The following ADCYAP1R1 variants were observed in gnomAD, a reference collection of about 807,000 sequenced individuals.
The protein encoded by ADCYAP1R1 is pituitary adenylate cyclase-activating polypeptide type I receptor.
Under a neutral mutation model 67.6 loss-of-function variants are expected in ADCYAP1R1, and 44 were observed. That is an observed-to-expected ratio of 0.65 (90% confidence interval 0.51 to 0.84). The LOEUF (loss-of-function observed/expected upper bound fraction) is 0.84. ADCYAP1R1 is among the 40% of genes least tolerant of loss of function. ADCYAP1R1 has a pLI of 0.00. For synonymous variants in ADCYAP1R1, 222 were observed against 219.6 expected (o/e 1.01, Z -0.10); for missense variants, 477 against 587.9 (o/e 0.81, Z 1.95).
At chr7:31,061,874 T>G (rs1307006884) in intron 1 of ADCYAP1R1, among the ~76,000 whole-genome samples, 1 of 151,906 alleles carries the variant, frequency 6.6e-6, no homozygotes, top group Non-Finnish European at 1.5e-5. Context: ...GATGCACATG[T>G]AGGATTTGCT....
intron 13 of ADCYAP1R1, among the ~76,000 whole-genome samples, chr7:31,099,617 GA>G (rs1433241112): frequency 6.6e-6 from 1 of 152,186 alleles, no homozygotes; most frequent in Non-Finnish European, 1.5e-5. Flanking sequence ...GGGTAGAGGG[GA>G]AAGACCAGTG....
At chr7:31,094,528 C>T (rs114580695) in intron 13 of ADCYAP1R1, among the ~76,000 whole-genome samples, 1 of 152,142 alleles carries the variant, frequency 6.6e-6, no homozygotes, top group African/African-American at 2.4e-5. Flanking sequence ...ATTTCCTCCC[C>T]TTCCTGGTAG....
At chr7:31,093,359 G>T (rs887938981) in intron 13 of ADCYAP1R1, among the ~76,000 whole-genome samples, 1 of 152,168 alleles carries the variant, frequency 6.6e-6, no homozygotes. Flanking sequence ...ACCATAGAGC[G>T]TAGGGCTTTC....
intron 13 of ADCYAP1R1, among the ~76,000 whole-genome samples, chr7:31,096,373 C>T (rs1584535855): frequency 6.6e-6 from 1 of 152,190 alleles, no homozygotes; most frequent in Admixed American, 6.5e-5. Context: ...CTAGAGGCTT[C>T]CTCCACATCC....
rs779412342 is a variant in ADCYAP1R1 at position 31,087,012 on chromosome 7, A to G, written c.884+9A>G. ...TACTTTGATGACACAGGGTTAGTACATGCGCGAGAGTCAGGGCCACAGCAC... is the reference window on the plus strand; with the variant it reads ...TACTTTGATGACACAGGGTTAGTACGTGCGCGAGAGTCAGGGCCACAGCAC... On this transcript the variant is annotated intron_variant, in intron 11 of 15. Transcript: ENST00000304166. 1.9e-6 allele frequency: 3 copies of G among 1,614,182 alleles called. No individual in the cohort carries two copies. The highest frequency in any genetic ancestry group is 2.2e-5 in the South Asian group (2 of 91,088).
In ADCYAP1R1 at chr7:31,105,047, C is replaced by G. The variant is rs938019022; in HGVS notation, c.1218+138C>G. 10 of 885,840 alleles carry G rather than the reference C, an allele frequency of 1.1e-5. No homozygotes were observed. In the Admixed American group the frequency reaches 1.8e-4, roughly 16 times the overall value. The allele number at this position is 885,840 out of a possible 1,614,324, so 54.9% of individuals were successfully genotyped here. ...AGGCTCCCAGCACTGAGAGGAGGGG[C>G]TGGTCATACAGCTCCTGGCATTGTG... is the stretch of plus-strand genomic sequence containing the variant. On this transcript the variant is annotated intron_variant, in intron 15 of 15. Transcript: ENST00000304166.
At chr7:31,066,005 C>T (rs1239260311) in intron 3 of ADCYAP1R1, among the ~76,000 whole-genome samples, 6 of 152,238 alleles carry the variant, frequency 3.9e-5, no homozygotes, top group South Asian at 2.1e-4. Context: ...CCTTTGCCTC[C>T]GCTGAGCTCT....
intron 4 of ADCYAP1R1, among the ~76,000 whole-genome samples, chr7:31,078,303 G>A (rs1309988397): frequency 1.3e-5 from 2 of 152,130 alleles, no homozygotes; most frequent in Non-Finnish European, 2.9e-5. Flanking sequence ...GTGGATGAAA[G>A]CAAGGCTGTG....
Position 31,064,932 on chromosome 7 carries a change from T to C in ADCYAP1R1, c.153T>C (p.Ser51=). 1 of 1,606,616 alleles carries C rather than the reference T, an allele frequency of 6.2e-7. No homozygotes were observed. Among genetic ancestry groups the C allele is most frequent in the Non-Finnish European group, 8.5e-7 (1 of 1,175,880 alleles). Residue 51 remains serine (S), a synonymous_variant, in exon 3 of 16, where the codon TCT becomes TCC. Coordinates refer to ENST00000304166, the MANE Select transcript of ADCYAP1R1 (RefSeq NM_001118.5). ...ANELMGFNDS[S]PGCPGMWDNI... Reference sequence around the variant, plus strand: ...AGCTGATGGGCTTCAATGATTCCTCTCCAGGTGAGCGGGGCGGCAGGGAGC... The same window carrying C: ...AGCTGATGGGCTTCAATGATTCCTCCCCAGGTGAGCGGGGCGGCAGGGAGC...
At chr7:31,085,830 G>A (rs1032289836) in intron 9 of ADCYAP1R1, among the ~76,000 whole-genome samples, 1 of 152,168 alleles carries the variant, frequency 6.6e-6, no homozygotes, top group African/African-American at 2.4e-5. Flanking sequence ...ATTGGCCAGG[G>A]GTCTTTCCAG....
At chr7:31,063,681 C>T (rs1027118824) in intron 2 of ADCYAP1R1, among the ~76,000 whole-genome samples, 2 of 152,146 alleles carry the variant, frequency 1.3e-5, no homozygotes, top group Non-Finnish European at 2.9e-5. Flanking sequence ...CAGAAGCCTG[C>T]CCCCTGCTCA....
intron 1 of ADCYAP1R1, among the ~76,000 whole-genome samples, chr7:31,053,815 G>A (rs1225947307): frequency 3.3e-5 from 5 of 152,204 alleles, no homozygotes; most frequent in African/African-American, 7.2e-5. Flanking sequence ...GGGGCTGGAC[G>A]CAGCATGTGG....
At chr7:31,085,275 C>T in intron 8 of ADCYAP1R1, 35 bp from the exon 9 acceptor site, 1 of 1,601,818 alleles carries the variant, frequency 6.2e-7, no homozygotes, top group Non-Finnish European at 8.5e-7. Context: ...GCTGTGGGGT[C>T]CAAGGCTTCT....
At position 31,106,847 on chromosome 7, in the gene ADCYAP1R1, C is replaced by A; in HGVS notation, c.*163C>A. The A allele has an allele frequency of 1.2e-6, 1 of 838,820 alleles. No homozygotes were observed. Among genetic ancestry groups the A allele is most frequent in the Non-Finnish European group, 1.8e-6 (1 of 562,666 alleles). 52.0% of individuals were successfully genotyped at this position (838,820 alleles called of 1,614,324 possible). ...GAGGCAGGGCACAGACTGGAATTGTCCCCTCCTTGTTTTGGTACTGGTCCC... is the reference window on the plus strand; with the variant it reads ...GAGGCAGGGCACAGACTGGAATTGTACCCTCCTTGTTTTGGTACTGGTCCC... On this transcript the variant is annotated 3_prime_UTR_variant, in exon 16 of 16. Transcript: ENST00000304166.
intron 3 of ADCYAP1R1, among the ~76,000 whole-genome samples, chr7:31,070,647 C>G (rs548142447): frequency 7.2e-4 from 109 of 152,348 alleles, no homozygotes; most frequent in Non-Finnish European, 1.4e-3. Context: ...AGGGTGGTGT[C>G]TGCAGGGACC....
chr7:31,059,223 T>C (rs1794389539), intron 1 of ADCYAP1R1, among the ~76,000 whole-genome samples: 1 of 152,152 alleles, frequency 6.6e-6, no homozygotes, highest in Admixed American at 6.5e-5. Flanking sequence ...TACTCTATAG[T>C]TTCTTTGTAT....
chr7:31,106,929 GA>G lies in ADCYAP1R1; in HGVS notation c.*249del. The G allele has an allele frequency of 4.1e-6, 2 of 488,656 alleles. No homozygotes were observed. The highest frequency in any genetic ancestry group is 3.5e-5 in the East Asian group (1 of 28,172). 30.3% of individuals were successfully genotyped at this position (488,656 alleles called of 1,614,324 possible). ...GACATGTAAATACTCCTCAAATTTG[GA>G]AAAGTTGTCCCATCCCTTCCCCCTT... On this transcript the variant is annotated 3_prime_UTR_variant, in exon 16 of 16. Transcript: ENST00000304166.
chr7:31,065,432 G>C (rs956802436), intron 3 of ADCYAP1R1, among the ~76,000 whole-genome samples: 6 of 152,170 alleles, frequency 3.9e-5, no homozygotes, highest in Admixed American at 3.9e-4. Flanking sequence ...CTTCTCCTGG[G>C]GCTGCCTTTG....
At chr7:31,087,598 G>T in intron 11 of ADCYAP1R1, 29 bp from the exon 12 acceptor site, 1 of 1,611,472 alleles carries the variant, frequency 6.2e-7, no homozygotes, top group South Asian at 1.1e-5. Context: ...TCACAGACGT[G>T]ATCTTGCTTC....
Sources: gnomAD v4.1 joint callset for allele counts (sites outside exome capture counted in the v4.1 genomes callset) on GRCh38, gnomAD v4.1.1 for gene constraint, MANE v1.5 for transcripts, NCBI Gene and HGNC (gene_info 2026-07-23, HGNC 2026-07-21) for gene names.